Variants in ADAM22 observed in about 807,000 individuals in gnomAD.
The protein encoded by ADAM22 is disintegrin and metalloproteinase domain-containing protein 22.
A neutral mutation model predicts 144.6 loss-of-function variants in ADAM22; 65 were observed. That is an observed-to-expected ratio of 0.45 (90% CI 0.37 to 0.55). The LOEUF is 0.55. ADAM22 is among the 20% of genes least tolerant of loss of function. ADAM22 has a pLI of 0.00. For missense variants in ADAM22, 974 were observed against 1,184.9 expected (o/e 0.82, Z 2.61); for synonymous variants, 391 against 412.6 (o/e 0.95, Z 0.63).
chr7:87,939,665 G>A (rs1417290048), intron 2 of ADAM22, among the ~76,000 whole-genome samples: 1 of 152,118 alleles, frequency 6.6e-6, no homozygotes, highest in Non-Finnish European at 1.5e-5. Context: ...AGCACTATAT[G>A]AGTCTTTGTT....
At chr7:88,065,549 G>C (rs912919692) in intron 3 of ADAM22, among the ~76,000 whole-genome samples, 1 of 151,966 alleles carries the variant, frequency 6.6e-6, no homozygotes, top group East Asian at 1.9e-4. Context: ...AGCACTGCTA[G>C]CGTCTTCATA....
intron 3 of ADAM22, among the ~76,000 whole-genome samples, chr7:88,057,249 C>T (rs1563122259): frequency 6.6e-6 from 1 of 152,068 alleles, no homozygotes; most frequent in Non-Finnish European, 1.5e-5. Flanking sequence ...CATGAGCCAC[C>T]ATGCCTGGCC....
chr7:88,163,936 T>C (rs909817747), intron 23 of ADAM22, among the ~76,000 whole-genome samples: 1 of 152,136 alleles, frequency 6.6e-6, no homozygotes, highest in Non-Finnish European at 1.5e-5. Flanking sequence ...GCTTGAACTG[T>C]TGTATTATCC....
intron 3 of ADAM22, among the ~76,000 whole-genome samples, chr7:88,007,596 A>G (rs889399451): frequency 3.3e-5 from 5 of 152,192 alleles, no homozygotes; most frequent in Admixed American, 6.5e-5. Context: ...ATAACGCCGC[A>G]TATCTACAAC....
At chr7:88,186,504 C>T in intron 29 of ADAM22, 111 bp from the exon 30 acceptor site, 1 of 772,646 alleles carries the variant, frequency 1.3e-6, no homozygotes. Context: ...GTTTATTTGC[C>T]ATGGTCACTT....
At chr7:88,055,056 G>T (rs1374759311) in intron 3 of ADAM22, among the ~76,000 whole-genome samples, 1 of 151,900 alleles carries the variant, frequency 6.6e-6, no homozygotes, top group African/African-American at 2.4e-5. Flanking sequence ...TAATGTACAG[G>T]GGTTTTATAA....
Position 88,179,079 on chromosome 7 carries a change from T to C in ADAM22, c.2445T>C (p.Cys815=), listed in dbSNP as rs746090646. Residue 815 remains cysteine (C), a synonymous_variant, in exon 27 of 32, where the codon TGT becomes TGC. Transcript: ENST00000413139. ...AFLSHFQIST[C]SITHYSISQN... ...TGTCGCATTTTCAGATTTCTACCTGTTCCATCACACATTATTCCATTAGTC... is the reference window on the plus strand; with the variant it reads ...TGTCGCATTTTCAGATTTCTACCTGCTCCATCACACATTATTCCATTAGTC... The C allele has an allele frequency of 2.7e-6, 4 of 1,483,918 alleles. No homozygotes were observed. The highest frequency in any genetic ancestry group is 3.8e-6 in the Non-Finnish European group (4 of 1,062,162). The allele number at this position is 1,483,918 out of a possible 1,614,324, so 91.9% of individuals were successfully genotyped here. A position where few individuals can be genotyped will look rare whatever the true frequency, so the allele number is the denominator to read the frequency against.
chr7:87,980,625 A>T (rs1464966333), intron 3 of ADAM22, among the ~76,000 whole-genome samples: 2 of 152,094 alleles, frequency 1.3e-5, no homozygotes, highest in Non-Finnish European at 2.9e-5. Flanking sequence ...ATTGGAATGG[A>T]TGGAAAAGTA....
chr7:88,042,894 C>A (rs935534207), intron 3 of ADAM22, among the ~76,000 whole-genome samples: 4 of 150,680 alleles, frequency 2.7e-5, no homozygotes, highest in African/African-American at 9.8e-5. Context: ...CCTTGGCATA[C>A]CAGATCAAAA....
At position 88,045,362 on chromosome 7, in the gene ADAM22, T is replaced by C. The variant is rs1281357818; in HGVS notation, c.324-30264T>C. On this transcript the variant is annotated intron_variant, in intron 3 of 31. Coordinates refer to ENST00000413139, the MANE Select transcript of ADAM22 (RefSeq NM_001324418.2). The stretch of plus-strand genomic sequence containing the variant: ...ATGAATCTCCTTTGTTAATTCTTTC[T>C]ATGTCTTGCAGTTAGGTTATTTTTT... Among the ~76,000 whole-genome samples the C allele has an allele frequency of 2.0e-5, 3 of 152,272 alleles. No homozygotes were observed. In the East Asian group the frequency reaches 5.8e-4, roughly 29 times the overall value.
intron 3 of ADAM22, among the ~76,000 whole-genome samples, chr7:88,068,722 A>G (rs2282952): frequency 0.14 from 21,499 of 152,138 alleles, 2,351 homozygotes; most frequent in African/African-American, 0.29. Flanking sequence ...ACTTGCCTCA[A>G]TCACGTGTTT....
At chr7:88,140,055 G>C (rs1214021791) in intron 14 of ADAM22, among the ~76,000 whole-genome samples, 1 of 152,122 alleles carries the variant, frequency 6.6e-6, no homozygotes, top group Non-Finnish European at 1.5e-5. Flanking sequence ...GCAAGGGGAA[G>C]CAGGTGTGTC....
intron 3 of ADAM22, among the ~76,000 whole-genome samples, chr7:88,043,359 C>T (rs967137712): frequency 2.0e-5 from 3 of 152,002 alleles, no homozygotes; most frequent in South Asian, 2.1e-4. Context: ...GTGGCGGGCA[C>T]CTGTAGTCCC....
chr7:88,054,412 T>C (rs1441276628), intron 3 of ADAM22, among the ~76,000 whole-genome samples: 2 of 152,142 alleles, frequency 1.3e-5, no homozygotes, highest in African/African-American at 4.8e-5. Context: ...TGTTATTATA[T>C]TATTAGAAAG....
rs142907934 is a variant in ADAM22, at chr7:88,140,132, G to A, written c.1221-2894G>A. On this transcript the variant is annotated intron_variant, in intron 14 of 31. Coordinates refer to ENST00000413139, the MANE Select transcript of ADAM22 (RefSeq NM_001324418.2). ...AGGCTCTTTTTAACAACCGAATCTCGTGTAAACTTATTACCAGCCATTTCC... is the reference window on the plus strand; with the variant it reads ...AGGCTCTTTTTAACAACCGAATCTCATGTAAACTTATTACCAGCCATTTCC... Among the ~76,000 whole-genome samples the A allele has an allele frequency of 1.1e-4, 16 of 152,206 alleles. No homozygotes were observed. In the South Asian group the frequency reaches 1.2e-3, roughly 12 times the overall value.
intron 4 of ADAM22, among the ~76,000 whole-genome samples, chr7:88,107,957 G>C (rs1051955187): frequency 3.9e-5 from 6 of 152,142 alleles, no homozygotes; most frequent in Non-Finnish European, 1.5e-5. Context: ...GAAAGGTCAA[G>C]TCAACTTTTA....
At chr7:88,138,674 T>C (rs1223416765) in intron 14 of ADAM22, among the ~76,000 whole-genome samples, 1 of 152,164 alleles carries the variant, frequency 6.6e-6, no homozygotes, top group Non-Finnish European at 1.5e-5. Context: ...ATACAATAGC[T>C]ATATTATTCT....
chr7:88,058,635 C>G (rs147903416), intron 3 of ADAM22, among the ~76,000 whole-genome samples: 2 of 152,276 alleles, frequency 1.3e-5, no homozygotes, highest in East Asian at 3.9e-4. Flanking sequence ...TTAGTACTTG[C>G]TTTCCTGATG....
At chr7:87,975,734 C>T (rs1345115059) in intron 2 of ADAM22, among the ~76,000 whole-genome samples, 3 of 152,116 alleles carry the variant, frequency 2.0e-5, no homozygotes, top group Non-Finnish European at 1.5e-5. Flanking sequence ...AATCATGATA[C>T]CAAGGTGAAT....
Sources: gnomAD v4.1 joint callset for allele counts (sites outside exome capture counted in the v4.1 genomes callset) on GRCh38, gnomAD v4.1.1 for gene constraint, MANE v1.5 for transcripts, NCBI Gene and HGNC (gene_info 2026-07-23, HGNC 2026-07-21) for gene names.